Variants in TJP1 observed in about 807,000 individuals in gnomAD.
TJP1 encodes tight junction protein 1, also known as tight junction protein ZO-1.
TJP1 carries 43 observed loss-of-function variants against 194.2 expected under a neutral mutation model. The observed-to-expected ratio is 0.22, with a 90% CI of 0.17 to 0.29. The LOEUF (loss-of-function observed/expected upper bound fraction) is 0.29, where lower values mean the gene tolerates loss of function less well. Among genes scored for constraint, TJP1 ranks in the 10% least tolerant of loss-of-function variants. TJP1 has a pLI of 1.00. For missense variants in TJP1, 1,971 were observed against 2,185.7 expected (o/e 0.90, Z 1.96); for synonymous variants, 801 against 779.0 (o/e 1.03, Z -0.47).
chr15:29,792,163 T>C (rs1490279230), intron 2 of TJP1, among the ~76,000 whole-genome samples: 1 of 152,220 alleles, frequency 6.6e-6, no homozygotes, highest in African/African-American at 2.4e-5. Context: ...GCCTGTTCTT[T>C]GGAGGTCACA....
rs529613645 is a variant in TJP1 at position 29,821,782 on chromosome 15, C to A, written c.27+220G>T. 3.4e-3 allele frequency among the ~76,000 whole-genome samples: 501 copies of A among 149,412 alleles called. 2 individuals carry two copies. Among genetic ancestry groups the A allele is most frequent in the Non-Finnish European group, 5.7e-3 (379 of 67,062 alleles). ...GTACGGCGGCCGGGCGCCCGCAGCC[C>A]CCTCCCCGGCCGCCCCCAGTGCGGC... On this transcript the variant is annotated intron_variant, in intron 1 of 27. Coordinates refer to ENST00000614355, the MANE Select transcript of TJP1 (RefSeq NM_001330239.4).
At chr15:29,832,428 G>A (rs181488260) in intron 2 of TJP1, among the ~76,000 whole-genome samples, 32 of 152,284 alleles carry the variant, frequency 2.1e-4, no homozygotes, top group African/African-American at 7.5e-4. Flanking sequence ...ATTTGCCGAC[G>A]CACAGAATCA....
chr15:29,770,445 C>A (rs1311357061), intron 4 of TJP1, among the ~76,000 whole-genome samples: 1 of 149,484 alleles, frequency 6.7e-6, no homozygotes, highest in Non-Finnish European at 1.5e-5. Flanking sequence ...AAAAACACAG[C>A]CTGTAATCCA....
At chr15:29,726,342 A>T in intron 18 of TJP1, 37 bp downstream of exon 18, 1 of 1,526,012 alleles carries the variant, frequency 6.6e-7, no homozygotes, top group Non-Finnish European at 9.1e-7. Context: ...TACATAATTT[A>T]CTGAACAAGT....
intron 15 of TJP1, chr15:29,731,077 T>C: frequency 4.1e-6 from 3 of 739,646 alleles, no homozygotes; most frequent in Non-Finnish European, 6.9e-6. Context: ...AATTTTGTTT[T>C]ACTTTTTTTT....
intron 2 of TJP1, among the ~76,000 whole-genome samples, chr15:29,866,708 T>G (rs552455293): frequency 1.3e-5 from 2 of 152,350 alleles, no homozygotes; most frequent in South Asian, 4.1e-4. Flanking sequence ...CTGGTGTTTT[T>G]GATCCATTAA....
chr15:29,852,943 C>A (rs1356485799), intron 2 of TJP1, among the ~76,000 whole-genome samples: 7 of 151,518 alleles, frequency 4.6e-5, no homozygotes, highest in African/African-American at 1.7e-4. Flanking sequence ...CACACAAAAA[C>A]CTGTACACAA....
chr15:29,864,237 CA>C (rs397975539), intron 2 of TJP1, among the ~76,000 whole-genome samples: 432 of 18,898 alleles, frequency 0.023, 3 homozygotes, highest in Middle Eastern at 0.1. Context: ...ACTAAAAATA[CA>C]AAAAAAAAAA....
intron 15 of TJP1, 35 bp from the exon 16 acceptor site, chr15:29,728,054 A>G (rs374939145): frequency 1.5e-5 from 24 of 1,565,838 alleles, no homozygotes; most frequent in African/African-American, 2.7e-5. Context: ...TAAGACATCA[A>G]ATTTTCACTG....
rs1199761001 is a variant in TJP1 at position 29,968,802 on chromosome 15, C to T, written c.38G>A (p.Arg13Gln). 1.2e-5 allele frequency: 14 copies of T among 1,169,288 alleles called. No individual in the cohort carries two copies. The East Asian group carries it at 9.3e-4, about 77-fold the overall frequency. The allele number at this position is 1,169,288 out of a possible 1,614,324, so 72.4% of individuals were successfully genotyped here. A position where few individuals can be genotyped will look rare whatever the true frequency, so the allele number is the denominator to read the frequency against. ...CTCGCGGGCAGGGCCCCGCCGCCTCCGCCGCCGCCGCAGACACAGCCCCTC... is the reference window on the plus strand; with the variant it reads ...CTCGCGGGCAGGGCCCCGCCGCCTCTGCCGCCGCCGCAGACACAGCCCCTC... The change falls in exon 1 of 29, where the codon CGG becomes CAG. Residue 13 changes from arginine (R) to glutamine (Q), a missense_variant. Coordinates refer to the TJP1 transcript ENST00000356107.
chr15:29,839,899 C>T (rs1489938726), intron 2 of TJP1, among the ~76,000 whole-genome samples: 1 of 152,180 alleles, frequency 6.6e-6, no homozygotes, highest in Non-Finnish European at 1.5e-5. Context: ...TGCATCCTTG[C>T]CAACATATGA....
chr15:29,847,711 G>C (rs2051471093), intron 2 of TJP1, among the ~76,000 whole-genome samples: 1 of 152,152 alleles, frequency 6.6e-6, no homozygotes, highest in Non-Finnish European at 1.5e-5. Context: ...TGTGAACCCG[G>C]GAGGCGGAGG....
intron 8 of TJP1, among the ~76,000 whole-genome samples, chr15:29,753,904 T>C (rs1294301960): frequency 1.3e-5 from 2 of 151,760 alleles, no homozygotes; most frequent in Non-Finnish European, 2.9e-5. Context: ...CCATGTTCAC[T>C]ACCAACAATA....
At chr15:29,772,564 T>C (rs1163312574) in intron 3 of TJP1, among the ~76,000 whole-genome samples, 1 of 152,188 alleles carries the variant, frequency 6.6e-6, no homozygotes, top group African/African-American at 2.4e-5. Flanking sequence ...AGTGCCACTA[T>C]TTTGCTAGTG....
At chr15:29,903,864 T>C (rs2053717592) in intron 2 of TJP1, among the ~76,000 whole-genome samples, 1 of 152,194 alleles carries the variant, frequency 6.6e-6, no homozygotes, top group Non-Finnish European at 1.5e-5. Flanking sequence ...AATTCCTTTA[T>C]GGAAAATTTG....
At chr15:29,796,211 G>A (rs1054592492) in intron 2 of TJP1, among the ~76,000 whole-genome samples, 1 of 151,608 alleles carries the variant, frequency 6.6e-6, no homozygotes, top group Non-Finnish European at 1.5e-5. Flanking sequence ...GAAATAAAGA[G>A]CATTCAAAAG....
chr15:29,719,661 CAGT>C, intron 20 of TJP1, 113 bp downstream of exon 20: 2 of 1,291,586 alleles, frequency 1.5e-6, no homozygotes, highest in East Asian at 4.7e-5. Context: ...GAAAGCATTA[CAGT>C]GTATAAGCCT....
chr15:29,940,517 T>G (rs1044983004), intron 2 of TJP1, among the ~76,000 whole-genome samples: 4 of 152,242 alleles, frequency 2.6e-5, no homozygotes, highest in African/African-American at 9.6e-5. Context: ...GGGAACAGAA[T>G]GGTATCTGTT....
intron 2 of TJP1, among the ~76,000 whole-genome samples, chr15:29,872,832 G>A (rs1437406077): frequency 6.6e-6 from 1 of 152,128 alleles, no homozygotes. Context: ...CGTGCGGCAC[G>A]TCCACTCTGA....
Sources: allele counts gnomAD v4.1 joint callset (sites outside exome capture counted in the v4.1 genomes callset), GRCh38; gene constraint gnomAD v4.1.1; transcripts MANE v1.5; gene names NCBI Gene and HGNC (gene_info 2026-07-23, HGNC 2026-07-21).